The following KCNQ1 variants were observed in gnomAD, a reference collection of about 807,000 sequenced individuals.
The protein encoded by KCNQ1 is potassium voltage-gated channel subfamily Q member 1, also known as potassium voltage-gated channel subfamily KQT member 1.
KCNQ1 carries 49 observed loss-of-function variants against 72.4 expected under a neutral mutation model. The observed-to-expected ratio is 0.68, with a 90% CI of 0.54 to 0.86. The LOEUF (loss-of-function observed/expected upper bound fraction) is 0.86. KCNQ1 is among the 40% of genes least tolerant of loss of function. The pLI, the probability that KCNQ1 is intolerant of heterozygous loss-of-function variation, is 0.00. For missense variants in KCNQ1, 790 were observed against 945.1 expected, an observed-to-expected ratio of 0.84 and a Z score of 2.15; for synonymous variants, 450 against 412.6, an observed-to-expected ratio of 1.09 and a Z score of -1.10.
rs1846172976 is a variant in KCNQ1, at chr11:2,748,473, C to A, written c.1515-20371C>A. Reference sequence around the variant, plus strand: ...CAGGCAGGGCCCTCAGCACCTGATGCCAAACCAGGCTCCACTCTTCCTCCA... The same window carrying A: ...CAGGCAGGGCCCTCAGCACCTGATGACAAACCAGGCTCCACTCTTCCTCCA... On this transcript the variant is annotated intron_variant, in intron 11 of 15. Transcript: ENST00000155840. The surrounding 1 kb of genome is among the most constrained non-coding windows in gnomAD (Gnocchi z 6.2). Among the ~76,000 whole-genome samples the A allele has an allele frequency of 6.6e-6, 1 of 152,198 alleles. No individual in the cohort carries two copies. The highest frequency in any genetic ancestry group is 6.5e-5 in the Admixed American group (1 of 15,290).
rs114426257 is a variant in KCNQ1, at chr11:2,838,697, C to T, written c.1795-9070C>T. On this transcript the variant is annotated intron_variant, in intron 15 of 15. Transcript: ENST00000155840. ...TGTGGGCAGACCTGGAGCAATGACA[C>T]GAGAACGGCCAGGCAGCCCTGGCTT... Among the ~76,000 whole-genome samples the T allele has an allele frequency of 4.2e-3, 645 of 152,242 alleles. 5 individuals carry two copies. Among genetic ancestry groups the T allele is most frequent in the African/African-American group, 0.014 (591 of 41,522 alleles).
At chr11:2,503,104 C>T (rs952608229) in intron 1 of KCNQ1, among the ~76,000 whole-genome samples, 2 of 152,200 alleles carry the variant, frequency 1.3e-5, no homozygotes, top group African/African-American at 4.8e-5. Context: ...TGGAGAAACT[C>T]TCCAGGACAT....
Position 2,567,639 on chromosome 11 carries a change from G to A in KCNQ1, c.478-2989G>A, listed in dbSNP as rs1002718961. Among the ~76,000 whole-genome samples the A allele has an allele frequency of 6.6e-6, 1 of 152,206 alleles. No homozygotes were observed. Among genetic ancestry groups the A allele is most frequent in the Admixed American group, 6.5e-5 (1 of 15,282 alleles). ...CTTTTCCTTGGCTCTTTCCTGGCCT[G>A]CTAGCAGCACCAGCCTAATTAACCT... On this transcript the variant is annotated intron_variant, in intron 2 of 15. Transcript: ENST00000155840. The surrounding 1 kb of genome is among the most constrained non-coding windows in gnomAD (Gnocchi z 6.6).
Position 2,612,144 on chromosome 11 carries a change from A to C in KCNQ1, c.1393+23290A>C, listed in dbSNP as rs1488331793. 3 of 398,544 alleles carry C rather than the reference A, an allele frequency of 7.5e-6. No individual in the cohort carries two copies. In the South Asian group the frequency reaches 3.8e-4, roughly 51 times the overall value. The allele number at this position is 398,544 out of a possible 1,614,324, so 24.7% of individuals were successfully genotyped here. A position where few individuals can be genotyped will look rare whatever the true frequency, so the allele number is the denominator to read the frequency against. The stretch of plus-strand genomic sequence containing the variant: ...ATGGACTGGTACCAGTCTGTGGCCT[A>C]TTAGAAACTGGGCTACACAGCAGGA... On this transcript the variant is annotated intron_variant, in intron 10 of 15. Transcript: ENST00000155840. The surrounding 1 kb of genome is among the most constrained non-coding windows in gnomAD (Gnocchi z 5.5).
chr11:2,605,460 AT>A (rs1207556995), intron 10 of KCNQ1, among the ~76,000 whole-genome samples: 1 of 152,128 alleles, frequency 6.6e-6, no homozygotes, highest in Non-Finnish European at 1.5e-5. Context: ...CTTTGAGTTA[AT>A]TTTTATATAT....
chr11:2,666,102 A>T (rs1297296407), intron 11 of KCNQ1: 1 of 398,532 alleles, frequency 2.5e-6, no homozygotes, highest in African/African-American at 2.1e-5. Flanking sequence ...CAGCCCAGTC[A>T]TGTGGTTTCT....
intron 11 of KCNQ1, chr11:2,681,229 G>C: frequency 5.0e-6 from 2 of 398,568 alleles, no homozygotes; most frequent in Admixed American, 4.4e-5. Context: ...TGGGTAGAAG[G>C]AAGCAGGAGA....
At chr11:2,614,539 T>C (rs1202306244) in intron 10 of KCNQ1, 3 of 398,398 alleles carry the variant, frequency 7.5e-6, no homozygotes, top group African/African-American at 4.1e-5. Context: ...CTCTGATACA[T>C]TTTGAGATAA....
chr11:2,583,692 C>T (rs775464627), intron 7 of KCNQ1, 147 bp downstream of exon 7: 6 of 707,658 alleles, frequency 8.5e-6, no homozygotes, highest in Non-Finnish European at 1.3e-5. Flanking sequence ...TCCAGAGCCC[C>T]ACCTGCCCTC....
At chr11:2,646,652 A>C (rs1849670527) in intron 10 of KCNQ1, 1 of 398,500 alleles carries the variant, frequency 2.5e-6, no homozygotes, top group African/African-American at 2.1e-5. Context: ...CAGCCTCCTG[A>C]GTAGCTGAAC....
Position 2,458,479 on chromosome 11 carries a change from C to T in KCNQ1, c.386+12995C>T, listed in dbSNP as rs888725567. On this transcript the variant is annotated intron_variant, in intron 1 of 15. Transcript: ENST00000155840. The surrounding 1 kb of genome is among the most constrained non-coding windows in gnomAD (Gnocchi z 4.6). ...TCCTTCTTTGGGACTCCCGCAGATG[C>T]CTGAGGCGGCAGTGCTGCTGAAGTC... is the stretch of plus-strand genomic sequence containing the variant. Among the ~76,000 whole-genome samples, 1 of 152,234 alleles carries T rather than the reference C, an allele frequency of 6.6e-6. No homozygotes were observed. The highest frequency in any genetic ancestry group is 2.4e-5 in the African/African-American group (1 of 41,462).
In KCNQ1 at chr11:2,734,944, C is replaced by T. The variant is rs1049296076; in HGVS notation, c.1515-33900C>T. Reference sequence around the variant, plus strand: ...TCTGGGCCAGCAGCATGTTCCAGTGCGACACATGTGCCCCGGAGTGGCCGC... The same window carrying T: ...TCTGGGCCAGCAGCATGTTCCAGTGTGACACATGTGCCCCGGAGTGGCCGC... On this transcript the variant is annotated intron_variant, in intron 11 of 15. Transcript: ENST00000155840. The surrounding 1 kb of genome is among the most constrained non-coding windows in gnomAD (Gnocchi z 7.0). Among the ~76,000 whole-genome samples the T allele has an allele frequency of 6.6e-6, 1 of 151,946 alleles. No individual in the cohort carries two copies. The highest frequency in any genetic ancestry group is 2.4e-5 in the African/African-American group (1 of 41,378).
intron 11 of KCNQ1, chr11:2,680,596 T>C: frequency 2.5e-6 from 1 of 398,570 alleles, no homozygotes; most frequent in Non-Finnish European, 4.4e-6. Flanking sequence ...TCTCCCCCGA[T>C]AGTAACATCT....
At chr11:2,489,234 CT>C (rs1232658319) in intron 1 of KCNQ1, among the ~76,000 whole-genome samples, 1 of 152,148 alleles carries the variant, frequency 6.6e-6, no homozygotes, top group Non-Finnish European at 1.5e-5. Context: ...AATCTGAGAG[CT>C]TGGGGGAGGG....
chr11:2,681,461 G>A, intron 11 of KCNQ1: 1 of 398,512 alleles, frequency 2.5e-6, no homozygotes, highest in Non-Finnish European at 4.4e-6. Flanking sequence ...TAACCTTAAT[G>A]GCCTCAGGCT....
chr11:2,616,734 T>C (rs753092975), intron 10 of KCNQ1: 4 of 398,138 alleles, frequency 1.0e-5, no homozygotes, highest in African/African-American at 2.1e-5. Flanking sequence ...CCTCACTATA[T>C]TGTAGTTAGA....
rs180765683 is a variant in KCNQ1, at chr11:2,632,138, G to A, written c.1394-29823G>A. On this transcript the variant is annotated intron_variant, in intron 10 of 15. Coordinates refer to ENST00000155840, the MANE Select transcript of KCNQ1 (RefSeq NM_000218.3). ...GCAGAGCTTGCAGTGAGCCGAGATC[G>A]CGCCACTACACTCTAGCCTGGGCGA... 2,617 of 387,734 alleles carry A rather than the reference G, an allele frequency of 6.7e-3. 22 individuals carry two copies. The highest frequency in any genetic ancestry group is 0.016 in the Middle Eastern group (25 of 1,530). 24.0% of individuals were successfully genotyped at this position (387,734 alleles called of 1,614,324 possible).
At chr11:2,835,614 G>A (rs1253414755) in intron 15 of KCNQ1, among the ~76,000 whole-genome samples, 2 of 152,200 alleles carry the variant, frequency 1.3e-5, no homozygotes, top group African/African-American at 2.4e-5. Context: ...CCCTGCCGTG[G>A]CAGAGACAGA....
At chr11:2,733,862 C>CT (rs1318130357) in intron 11 of KCNQ1, among the ~76,000 whole-genome samples, 896 of 48,300 alleles carry the variant, frequency 0.019, 128 homozygotes, top group African/African-American at 0.093. Flanking sequence ...TCTCTCCCCC[C>CT]CCACTTCAGG....
Sources: allele counts gnomAD v4.1 joint callset (sites outside exome capture counted in the v4.1 genomes callset), GRCh38; gene constraint gnomAD v4.1.1; non-coding constraint Gnocchi (gnomAD v3.1); transcripts MANE v1.5; gene names NCBI Gene and HGNC (gene_info 2026-07-23, HGNC 2026-07-21).